The following SH3KBP1 variants were observed in gnomAD, a reference collection of about 807,000 sequenced individuals.
SH3KBP1 encodes SH3 domain-containing kinase-binding protein 1.
A neutral mutation model predicts 50.1 loss-of-function variants in SH3KBP1; 8 were observed. The observed-to-expected ratio is 0.16, with a 90% CI of 0.09 to 0.29. The LOEUF (loss-of-function observed/expected upper bound fraction) is 0.29. SH3KBP1 is among the 10% of genes least tolerant of loss of function. SH3KBP1 has a pLI of 1.00. For missense variants in SH3KBP1, 377 were observed against 535.2 expected, an observed-to-expected ratio of 0.70 and a Z score of 2.92; for synonymous variants, 227 against 218.6, an observed-to-expected ratio of 1.04 and a Z score of -0.34.
chrX:19,665,069 C>G (rs1016295532), intron 6 of SH3KBP1, among the ~76,000 whole-genome samples: 1 of 111,517 alleles, frequency 9.0e-6, no homozygotes, highest in Non-Finnish European at 1.9e-5. Flanking sequence ...CCAAGAAGTT[C>G]CAGAAAAGCT....
chrX:19,751,621 T>C (rs368656722), intron 2 of SH3KBP1, among the ~76,000 whole-genome samples: 1 of 111,548 alleles, frequency 9.0e-6, no homozygotes, highest in African/African-American at 3.3e-5. Flanking sequence ...AAACTCAGCA[T>C]GTACAATAAA....
intron 2 of SH3KBP1, among the ~76,000 whole-genome samples, chrX:19,753,536 C>G (rs987264662): frequency 9.0e-6 from 1 of 110,630 alleles, no homozygotes; most frequent in African/African-American, 3.3e-5. Flanking sequence ...ACAGCTGCCC[C>G]GTGAGTATGT....
At chrX:19,718,016 A>T (rs1195722608) in intron 3 of SH3KBP1, among the ~76,000 whole-genome samples, 1 of 111,011 alleles carries the variant, frequency 9.0e-6, no homozygotes. Context: ...TGGGAGGGGA[A>T]GGTATATCCA....
At chrX:19,571,782 C>T (rs1030449165) in intron 12 of SH3KBP1, among the ~76,000 whole-genome samples, 2 of 109,796 alleles carry the variant, frequency 1.8e-5, no homozygotes, top group Admixed American at 1.9e-4. Context: ...ATGTCCTGCC[C>T]AGGAGAAAGA....
At chrX:19,883,263 C>T (rs2069493060) in intron 1 of SH3KBP1, among the ~76,000 whole-genome samples, 1 of 112,447 alleles carries the variant, frequency 8.9e-6, no homozygotes. Flanking sequence ...TGGCCTGGGG[C>T]CACCCTCTGA....
chrX:19,840,961 C>T (rs2068201593), intron 1 of SH3KBP1, among the ~76,000 whole-genome samples: 1 of 112,092 alleles, frequency 8.9e-6, no homozygotes, highest in Non-Finnish European at 1.9e-5. Context: ...CAGTTAACCC[C>T]ATGTTACAAA....
chrX:19,779,022 G>A (rs1443800134), intron 2 of SH3KBP1, among the ~76,000 whole-genome samples: 1 of 109,224 alleles, frequency 9.2e-6, no homozygotes, highest in African/African-American at 3.3e-5. Context: ...GTGGCTGGGT[G>A]CAGTGGCTCA....
chrX:19,883,810 G>T (rs752726267), intron 1 of SH3KBP1, among the ~76,000 whole-genome samples: 1 of 111,827 alleles, frequency 8.9e-6, no homozygotes, highest in South Asian at 3.7e-4. Context: ...GACTGCTGCT[G>T]CTTTACCAAC....
chrX:19,759,629 A>C (rs2065317806), intron 2 of SH3KBP1, among the ~76,000 whole-genome samples: 1 of 111,257 alleles, frequency 9.0e-6, no homozygotes, highest in Non-Finnish European at 1.9e-5. Flanking sequence ...CATTTCTTAG[A>C]GCTGTAGGGA....
At chrX:19,881,141 C>T (rs766759453) in intron 1 of SH3KBP1, among the ~76,000 whole-genome samples, 32 of 112,103 alleles carry the variant, frequency 2.9e-4, no homozygotes, top group African/African-American at 1.0e-3. Context: ...AAGGGAAATA[C>T]GTGGGCAAAG....
chrX:19,851,514 G>A (rs2068508678), intron 1 of SH3KBP1, among the ~76,000 whole-genome samples: 1 of 112,044 alleles, frequency 8.9e-6, no homozygotes, highest in African/African-American at 3.3e-5. Flanking sequence ...ATATATAGTA[G>A]GAACTTCATA....
chrX:19,570,822 G>A (rs950621111), intron 12 of SH3KBP1, among the ~76,000 whole-genome samples: 3 of 111,511 alleles, frequency 2.7e-5, no homozygotes, highest in African/African-American at 9.8e-5. Context: ...CAGGTGTGGT[G>A]GTGCACGCCT....
At chrX:19,840,247 A>G (rs1048052028) in intron 1 of SH3KBP1, among the ~76,000 whole-genome samples, 1 of 111,892 alleles carries the variant, frequency 8.9e-6, no homozygotes, top group Non-Finnish European at 1.9e-5. Context: ...TGTCCAATAC[A>G]GTGTCACTGC....
At chrX:19,735,571 G>C (rs991389413) in intron 3 of SH3KBP1, among the ~76,000 whole-genome samples, 9 of 109,855 alleles carry the variant, frequency 8.2e-5, no homozygotes, top group African/African-American at 3.0e-4. Context: ...TGGCTCATTG[G>C]TTATTTAGGA....
At chrX:19,836,341 C>T (rs2068056633) in intron 1 of SH3KBP1, 59 bp from the exon 2 acceptor site, 1 of 1,020,821 alleles carries the variant, frequency 9.8e-7, no homozygotes. Context: ...GGCTGAGGTC[C>T]AGTATCCCTT....
chrX:19,830,646 C>G, intron 2 of SH3KBP1, among the ~76,000 whole-genome samples: 1 of 108,553 alleles, frequency 9.2e-6, no homozygotes, highest in Non-Finnish European at 1.9e-5. Context: ...CCTGTGGTCT[C>G]AACTACTCAG....
chrX:19,793,313 A>AAAATAT (rs1418807395), intron 2 of SH3KBP1, among the ~76,000 whole-genome samples: 150 of 96,968 alleles, frequency 1.5e-3, no homozygotes, highest in Admixed American at 2.7e-3. Flanking sequence ...AGGAAAAAAA[A>AAAATAT]ATATATATAT....
chrX:19,835,459 T>C (rs2068033819), intron 2 of SH3KBP1, among the ~76,000 whole-genome samples: 1 of 111,924 alleles, frequency 8.9e-6, no homozygotes, highest in Admixed American at 9.5e-5. Flanking sequence ...TTTAATTTAA[T>C]TGTTATTTAA....
intron 3 of SH3KBP1, among the ~76,000 whole-genome samples, chrX:19,729,624 C>G (rs2064314522): frequency 1.8e-5 from 2 of 111,954 alleles, no homozygotes; most frequent in Non-Finnish European, 3.8e-5. Context: ...TTCCCATCAA[C>G]TCTGTGAAAA....
Sources: gnomAD v4.1 joint callset for allele counts (sites outside exome capture counted in the v4.1 genomes callset) on GRCh38, gnomAD v4.1.1 for gene constraint, MANE v1.5 for transcripts, NCBI Gene and HGNC (gene_info 2026-07-23, HGNC 2026-07-21) for gene names.